ZNF705G: variants seen among roughly 807,000 people sequenced by gnomAD.
ZNF705G encodes putative zinc finger protein 705G.
ZNF705G carries 23 observed loss-of-function variants against 19.6 expected under a neutral mutation model. The observed-to-expected ratio is 1.17, with a 90% CI of 0.84 to 1.66. The LOEUF (loss-of-function observed/expected upper bound fraction) is 1.66. Among genes scored for constraint, ZNF705G ranks in the 40% most tolerant of loss-of-function variants. The probability of loss-of-function intolerance (pLI) is 0.00; values close to 1 mark genes in which losing one functional copy is unlikely to be tolerated. For synonymous variants in ZNF705G, 146 were observed against 117.7 expected, an observed-to-expected ratio of 1.24 and a Z score of -1.56; for missense variants, 457 against 354.4, an observed-to-expected ratio of 1.29 and a Z score of -2.32.
chr8:7,368,460 G>A (rs531131293), intron 2 of ZNF705G, among the ~76,000 whole-genome samples: 1 of 149,400 alleles, frequency 6.7e-6, no homozygotes, highest in South Asian at 2.1e-4. Context: ...CAAATGGAAG[G>A]CGAATAGATA....
intron 2 of ZNF705G, among the ~76,000 whole-genome samples, chr8:7,368,070 C>A (rs1466469949): frequency 1.3e-5 from 2 of 149,532 alleles, no homozygotes; most frequent in African/African-American, 2.6e-5. Flanking sequence ...GAAAATGCAT[C>A]CTCTGATTGG....
rs1161034995 is a variant in ZNF705G, at chr8:7,355,605, G to A, written c.*2371C>T. 3 of 149,760 alleles carry A rather than the reference G, an allele frequency of 2.0e-5. No homozygotes were observed. The highest frequency in any genetic ancestry group is 2.9e-5 in the Non-Finnish European group (2 of 68,026). The allele number at this position is 149,760 out of a possible 1,614,324, so 9.3% of individuals were successfully genotyped here. A position where few individuals can be genotyped will look rare whatever the true frequency, so the allele number is the denominator to read the frequency against. ...AAAGCCGATTGATTCCCTCTATGTG[G>A]AGGGAAGACGAGCTTGAATAAGAGA... On this transcript the variant is annotated 3_prime_UTR_variant, in exon 7 of 7. Transcript: ENST00000400156.
intron 2 of ZNF705G, among the ~76,000 whole-genome samples, chr8:7,380,313 C>T (rs1164776346): frequency 2.0e-5 from 3 of 147,176 alleles, no homozygotes; most frequent in South Asian, 4.2e-4. Flanking sequence ...TACCCAAGGT[C>T]GTTGTCCAGG....
intron 1 of ZNF705G, among the ~76,000 whole-genome samples, chr8:7,383,074 A>T (rs1807571126): frequency 6.7e-6 from 1 of 148,830 alleles, no homozygotes; most frequent in Non-Finnish European, 1.5e-5. Flanking sequence ...AAAGGAGAAG[A>T]AATTCTGTAA....
chr8:7,359,300 A>G (rs536484221), intron 6 of ZNF705G, among the ~76,000 whole-genome samples: 2 of 149,842 alleles, frequency 1.3e-5, no homozygotes, highest in East Asian at 1.9e-4. Context: ...CATACACATT[A>G]TCTCCTGCAG....
intron 2 of ZNF705G, among the ~76,000 whole-genome samples, chr8:7,378,932 G>A (rs1250638337): frequency 4.1e-5 from 6 of 147,544 alleles, no homozygotes; most frequent in Non-Finnish European, 7.4e-5. Context: ...TTTGGCGGGA[G>A]ACAGAGGGGA....
intron 6 of ZNF705G, among the ~76,000 whole-genome samples, chr8:7,359,234 AT>A (rs1471243128): frequency 6.7e-6 from 1 of 149,704 alleles, no homozygotes. Flanking sequence ...ACTTTGGCAA[AT>A]AAATCTCCTA....
chr8:7,383,271 A>T (rs1464020209), intron 1 of ZNF705G, among the ~76,000 whole-genome samples: 1 of 147,508 alleles, frequency 6.8e-6, no homozygotes, highest in Non-Finnish European at 1.5e-5. Context: ...ATGCATTTTT[A>T]TGGTAAAGGA....
In ZNF705G at chr8:7,356,969, T is replaced by A. The variant is rs1384944451; in HGVS notation, c.*1007A>T. On this transcript the variant is annotated 3_prime_UTR_variant, in exon 7 of 7. Coordinates refer to ENST00000400156, the MANE Select transcript of ZNF705G (RefSeq NM_001164457.3). ...GATATTTTCTCAAATTTCTGAATTA[T>A]TTTGCTAAAGTATGTGTTAAGAGTT... 2.0e-5 allele frequency: 3 copies of A among 149,834 alleles called. No individual in the cohort carries two copies. Among genetic ancestry groups the A allele is most frequent in the Non-Finnish European group, 4.4e-5 (3 of 68,020 alleles). 9.3% of individuals were successfully genotyped at this position (149,834 alleles called of 1,614,324 possible).
rs113614509 is a variant in ZNF705G at position 7,379,204 on chromosome 8, C to T, written c.-72+2248G>A. Among the ~76,000 whole-genome samples the T allele has an allele frequency of 2.1e-3, 306 of 146,726 alleles. 9 individuals are homozygous for T. Among genetic ancestry groups the T allele is most frequent in the African/African-American group, 8.2e-3 (297 of 36,242 alleles). ...GTTAAGTTATGTCACATGGACTACTCGAAATCTCAAAAAGTTCAAAACATT... is the reference window on the plus strand; with the variant it reads ...GTTAAGTTATGTCACATGGACTACTTGAAATCTCAAAAAGTTCAAAACATT... On this transcript the variant is annotated intron_variant, in intron 2 of 6. Transcript: ENST00000400156.
intron 2 of ZNF705G, among the ~76,000 whole-genome samples, chr8:7,365,472 G>C (rs189955369): frequency 6.8e-6 from 1 of 146,022 alleles, no homozygotes; most frequent in South Asian, 2.1e-4. Flanking sequence ...TCCACCTCCC[G>C]GGTTCAAGCA....
intron 1 of ZNF705G, among the ~76,000 whole-genome samples, chr8:7,383,946 G>A (rs1237023812): frequency 1.4e-5 from 2 of 141,172 alleles, no homozygotes; most frequent in Non-Finnish European, 3.0e-5. Flanking sequence ...AGGAAGGCAG[G>A]GAGGAAACTC....
At chr8:7,363,254 C>T (rs1331343388) in intron 2 of ZNF705G, among the ~76,000 whole-genome samples, 1 of 148,238 alleles carries the variant, frequency 6.7e-6, no homozygotes, top group Admixed American at 6.6e-5. Context: ...ACATCAAAAG[C>T]ACGGAGTTTT....
chr8:7,361,072 G>C (rs764266776), intron 4 of ZNF705G, 38 bp downstream of exon 4: 2 of 1,592,760 alleles, frequency 1.3e-6, no homozygotes, highest in Admixed American at 1.7e-5. Flanking sequence ...ATGAGTGAAT[G>C]TGTCTCTACA....
At position 7,385,558 on chromosome 8, in the gene ZNF705G, C is replaced by G. The variant is rs1455376103; in HGVS notation, c.-282G>C. ...TGCTGTATGTCCCTTGGGACAAGGA[C>G]ACCTGAAAGCAGCTCCAGTGACCAC... On this transcript the variant is annotated 5_prime_UTR_variant, in exon 1 of 7. Coordinates refer to ENST00000400156, the MANE Select transcript of ZNF705G (RefSeq NM_001164457.3). 2.7e-5 allele frequency: 4 copies of G among 147,166 alleles called. No individual in the cohort carries two copies. Among genetic ancestry groups the G allele is most frequent in the Non-Finnish European group, 5.9e-5 (4 of 67,840 alleles). The allele number at this position is 147,166 out of a possible 1,614,324, so 9.1% of individuals were successfully genotyped here. A position where few individuals can be genotyped will look rare whatever the true frequency, so the allele number is the denominator to read the frequency against.
intron 6 of ZNF705G, among the ~76,000 whole-genome samples, chr8:7,359,093 A>AT (rs1398828080): frequency 1.3e-5 from 2 of 149,476 alleles, no homozygotes; most frequent in Non-Finnish European, 2.9e-5. Flanking sequence ...ATGAATGACT[A>AT]TTTTTTCTAC....
chr8:7,371,382 T>C (rs901321801), intron 2 of ZNF705G, among the ~76,000 whole-genome samples: 3 of 141,876 alleles, frequency 2.1e-5, no homozygotes, highest in Admixed American at 7.2e-5. Context: ...GTTCTGGAGG[T>C]CTCGTTTACA....
At chr8:7,363,928 C>T (rs1281713553) in intron 2 of ZNF705G, among the ~76,000 whole-genome samples, 1 of 149,624 alleles carries the variant, frequency 6.7e-6, no homozygotes, top group Admixed American at 6.6e-5. Context: ...TCTCCTGCAT[C>T]AGAAATTAGC....
At chr8:7,370,030 A>G (rs1288207719) in intron 2 of ZNF705G, among the ~76,000 whole-genome samples, 1 of 132,788 alleles carries the variant, frequency 7.5e-6, no homozygotes, top group Admixed American at 7.6e-5. Context: ...TCCTGAATCT[A>G]AAATAAAAGT....
Sources: allele counts gnomAD v4.1 joint callset (sites outside exome capture counted in the v4.1 genomes callset), GRCh38; gene constraint gnomAD v4.1.1; transcripts MANE v1.5; gene names NCBI Gene and HGNC (gene_info 2026-07-23, HGNC 2026-07-21).